The following WDR70 variants were observed in gnomAD, a reference collection of about 807,000 sequenced individuals.
WDR70 encodes the protein WD repeat domain 70, also known as WD repeat-containing protein 70.
WDR70 carries 53 observed loss-of-function variants against 88.6 expected under a neutral mutation model. That is an observed-to-expected ratio of 0.60 (90% CI 0.48 to 0.75). WDR70 has a LOEUF of 0.75. WDR70 is among the 30% of genes least tolerant of loss of function. The probability of loss-of-function intolerance (pLI) is 0.00; values close to 1 mark genes in which losing one functional copy is unlikely to be tolerated. For missense variants in WDR70, 610 were observed against 823.2 expected (o/e 0.74, Z 3.17); for synonymous variants, 280 against 270.0 (o/e 1.04, Z -0.36).
In WDR70 at chr5:37,724,927, C is replaced by T; in HGVS notation, c.1598-7C>T. Reference sequence around the variant, plus strand: ...TAATGAAATTTTTCAAATGTGACTTCTTGTAGCTCATGCCTTGCCTATGTT... The same window carrying T: ...TAATGAAATTTTTCAAATGTGACTTTTTGTAGCTCATGCCTTGCCTATGTT... On this transcript the variant is annotated splice_region_variant and splice_polypyrimidine_tract_variant and intron_variant, in intron 15 of 17. Coordinates refer to ENST00000265107, the MANE Select transcript of WDR70 (RefSeq NM_018034.4). 1 of 1,612,886 alleles carries T rather than the reference C, an allele frequency of 6.2e-7. No individual in the cohort carries two copies. The highest frequency in any genetic ancestry group is 8.5e-7 in the Non-Finnish European group (1 of 1,179,270).
intron 5 of WDR70, among the ~76,000 whole-genome samples, chr5:37,422,785 G>C (rs887704208): frequency 1.3e-5 from 2 of 151,844 alleles, no homozygotes; most frequent in Admixed American, 6.6e-5. Flanking sequence ...CCAGCCCTCA[G>C]CTAAATTTTT....
chr5:37,496,673 T>G (rs999380361), intron 8 of WDR70, among the ~76,000 whole-genome samples: 3 of 152,250 alleles, frequency 2.0e-5, no homozygotes, highest in African/African-American at 7.2e-5. Flanking sequence ...GTAAAAGATC[T>G]GCTTTCTGGG....
chr5:37,566,461 A>G (rs1191951826), intron 9 of WDR70, among the ~76,000 whole-genome samples: 2 of 152,250 alleles, frequency 1.3e-5, no homozygotes, highest in East Asian at 3.9e-4. Flanking sequence ...CAGGACAAAT[A>G]CAATGAACTT....
At chr5:37,573,961 G>T (rs1336870850) in intron 9 of WDR70, among the ~76,000 whole-genome samples, 1 of 152,138 alleles carries the variant, frequency 6.6e-6, no homozygotes, top group Non-Finnish European at 1.5e-5. Flanking sequence ...GGCTGCAAGA[G>T]CTGAGATGGA....
At position 37,610,220 on chromosome 5, in the gene WDR70, T is replaced by G. The variant is rs549157641; in HGVS notation, c.1092+4982T>G. Among the ~76,000 whole-genome samples the G allele has an allele frequency of 2.7e-5, 4 of 149,390 alleles. No homozygotes were observed. The East Asian group carries it at 7.9e-4, about 29-fold the overall frequency. On this transcript the variant is annotated intron_variant, in intron 10 of 17. Coordinates refer to ENST00000265107, the MANE Select transcript of WDR70 (RefSeq NM_018034.4). ...GGCGGAGGTTGCAGTGAGCCGAGAT[T>G]GTGCCACTGCGCTCCAGCCTGGGCG...
At chr5:37,718,312 A>C (rs575483532) in intron 13 of WDR70, among the ~76,000 whole-genome samples, 1 of 152,314 alleles carries the variant, frequency 6.6e-6, no homozygotes, top group African/African-American at 2.4e-5. Flanking sequence ...AGAGAGTAAC[A>C]GTAACCTGCT....
intron 10 of WDR70, among the ~76,000 whole-genome samples, chr5:37,618,757 A>C (rs1744419409): frequency 6.6e-6 from 1 of 152,180 alleles, no homozygotes; most frequent in Non-Finnish European, 1.5e-5. Flanking sequence ...CATTACATGG[A>C]TTTTAGGAGA....
At chr5:37,715,324 A>G (rs1242826664) in intron 13 of WDR70, among the ~76,000 whole-genome samples, 2 of 129,384 alleles carry the variant, frequency 1.5e-5, no homozygotes, top group Non-Finnish European at 3.3e-5. Flanking sequence ...GAGAAGATTG[A>G]GAAGATTTCT....
chr5:37,740,980 ATG>A (rs1748455756), intron 17 of WDR70, among the ~76,000 whole-genome samples: 1 of 152,144 alleles, frequency 6.6e-6, no homozygotes, highest in African/African-American at 2.4e-5. Context: ...TAGCAATTTG[ATG>A]TATCTGTTGA....
intron 13 of WDR70, among the ~76,000 whole-genome samples, chr5:37,711,861 T>C (rs1747520161): frequency 6.6e-6 from 1 of 152,158 alleles, no homozygotes; most frequent in Non-Finnish European, 1.5e-5. Flanking sequence ...TTTTATTACA[T>C]TTTATTCTAT....
chr5:37,675,330 A>T (rs1487182597), intron 10 of WDR70, among the ~76,000 whole-genome samples: 1 of 152,080 alleles, frequency 6.6e-6, no homozygotes, highest in Admixed American at 6.5e-5. Flanking sequence ...CTGAATGGTA[A>T]TGCCTAGGTT....
At position 37,653,183 on chromosome 5, in the gene WDR70, A is replaced by G. The variant is rs150219115; in HGVS notation, c.1093-44472A>G. On this transcript the variant is annotated intron_variant, in intron 10 of 17. Coordinates refer to ENST00000265107, the MANE Select transcript of WDR70 (RefSeq NM_018034.4). Reference sequence around the variant, plus strand: ...GAATTTTGTTGAAGGCCTTTTCTGCATCTACTGAGATAATCATGTGTTTTT... The same window carrying G: ...GAATTTTGTTGAAGGCCTTTTCTGCGTCTACTGAGATAATCATGTGTTTTT... Among the ~76,000 whole-genome samples, 1,444 of 152,314 alleles carry G rather than the reference A, an allele frequency of 9.5e-3. 27 individuals are homozygous for G. Among genetic ancestry groups the G allele is most frequent in the African/African-American group, 0.033 (1,379 of 41,568 alleles).
chr5:37,507,287 C>T (rs957662905), intron 8 of WDR70, among the ~76,000 whole-genome samples: 5 of 152,036 alleles, frequency 3.3e-5, no homozygotes, highest in Non-Finnish European at 7.3e-5. Context: ...TTGTTGTATA[C>T]AGAGAATATG....
At chr5:37,445,140 A>G (rs543607538) in intron 7 of WDR70, among the ~76,000 whole-genome samples, 2 of 152,194 alleles carry the variant, frequency 1.3e-5, no homozygotes, top group African/African-American at 4.8e-5. Flanking sequence ...TCATAATTAT[A>G]TTGTATCACT....
rs1377673117 is a variant in WDR70, at chr5:37,397,066, C to G, written c.492+496C>G. Among the ~76,000 whole-genome samples, 6 of 152,032 alleles carry G rather than the reference C, an allele frequency of 3.9e-5. No homozygotes were observed. The East Asian group carries it at 1.2e-3, about 29-fold the overall frequency. On this transcript the variant is annotated intron_variant, in intron 5 of 17. Coordinates refer to ENST00000265107, the MANE Select transcript of WDR70 (RefSeq NM_018034.4). ...CTGAGGTGGGAGGATAATTTGGGCC[C>G]AGGAGATAGAGGTTGCAGTGAGGTC...
intron 17 of WDR70, among the ~76,000 whole-genome samples, chr5:37,732,308 A>C (rs1425678653): frequency 6.6e-6 from 1 of 152,130 alleles, no homozygotes; most frequent in African/African-American, 2.4e-5. Flanking sequence ...CTTAGTATAC[A>C]TTGGAAGATT....
chr5:37,506,572 C>T (rs2112232350), intron 8 of WDR70: 1 of 774,090 alleles, frequency 1.3e-6, no homozygotes. Flanking sequence ...TACCTCCCTC[C>T]AACATTTAAT....
At chr5:37,594,375 T>C (rs1195206553) in intron 9 of WDR70, among the ~76,000 whole-genome samples, 1 of 152,228 alleles carries the variant, frequency 6.6e-6, no homozygotes, top group East Asian at 1.9e-4. Flanking sequence ...TAGCCAGTTT[T>C]CCCAGCACCA....
intron 8 of WDR70, among the ~76,000 whole-genome samples, chr5:37,509,747 G>A (rs1043099583): frequency 5.0e-5 from 7 of 141,172 alleles, no homozygotes; most frequent in East Asian, 2.0e-4. Flanking sequence ...TTTTTTTCTC[G>A]TTTTTCAACA....
Sources: gnomAD v4.1 joint callset for allele counts (sites outside exome capture counted in the v4.1 genomes callset) on GRCh38, gnomAD v4.1.1 for gene constraint, MANE v1.5 for transcripts, NCBI Gene and HGNC (gene_info 2026-07-23, HGNC 2026-07-21) for gene names.